HS3ST5: variants seen among roughly 807,000 people sequenced by gnomAD.
The protein encoded by HS3ST5 is heparan sulfate glucosamine 3-O-sulfotransferase 5.
A neutral mutation model predicts 25.4 loss-of-function variants in HS3ST5; 10 were observed. The observed-to-expected ratio is 0.39, with a 90% CI of 0.24 to 0.67. HS3ST5 has a LOEUF of 0.67. Ranked by LOEUF, HS3ST5 falls within the 30% of genes least tolerant of loss-of-function variation. The pLI, the probability that HS3ST5 is intolerant of heterozygous loss-of-function variation, is 0.44. For missense variants in HS3ST5, 324 were observed against 420.7 expected (o/e 0.77, Z 2.01); for synonymous variants, 170 against 162.4 (o/e 1.05, Z -0.36).
intron 3 of HS3ST5, among the ~76,000 whole-genome samples, chr6:114,136,635 G>T (rs910055061): frequency 2.0e-4 from 30 of 152,202 alleles, no homozygotes; most frequent in African/African-American, 6.3e-4. Context: ...CAGTTTGTCT[G>T]TTTGACTGTT....
At chr6:114,259,169 CAT>C (rs1562255625) in intron 1 of HS3ST5, among the ~76,000 whole-genome samples, 1 of 152,298 alleles carries the variant, frequency 6.6e-6, no homozygotes, top group East Asian at 1.9e-4. Context: ...GAGACTATTA[CAT>C]GTTATTGACC....
chr6:114,319,212 CTTAA>C (rs1373092249), intron 1 of HS3ST5, among the ~76,000 whole-genome samples: 3 of 152,122 alleles, frequency 2.0e-5, no homozygotes, highest in Admixed American at 2.0e-4. Flanking sequence ...GTTTAATTTT[CTTAA>C]TTAATACATT....
intron 1 of HS3ST5, chr6:114,235,613 T>C (rs1348219726): frequency 6.6e-6 from 1 of 152,014 alleles, no homozygotes; most frequent in East Asian, 1.9e-4. Context: ...AAATTTTGGA[T>C]TTTTTTTCTT....
intron 2 of HS3ST5, among the ~76,000 whole-genome samples, chr6:114,192,546 T>C (rs1264500200): frequency 6.6e-6 from 1 of 152,192 alleles, no homozygotes; most frequent in African/African-American, 2.4e-5. Context: ...TGAATAATGA[T>C]ACATTCAAAC....
intron 1 of HS3ST5, among the ~76,000 whole-genome samples, chr6:114,313,783 G>T (rs1775634917): frequency 6.6e-6 from 1 of 152,108 alleles, no homozygotes; most frequent in Non-Finnish European, 1.5e-5. Context: ...CTTAAAATAG[G>T]TGCATTTATT....
chr6:114,173,950 C>T (rs772213653), intron 2 of HS3ST5, among the ~76,000 whole-genome samples: 3 of 152,202 alleles, frequency 2.0e-5, no homozygotes, highest in South Asian at 4.2e-4. Flanking sequence ...GCAGACTCTG[C>T]CTATTGGAAA....
intron 3 of HS3ST5, among the ~76,000 whole-genome samples, chr6:114,155,762 C>T (rs1582661076): frequency 6.6e-6 from 1 of 152,166 alleles, no homozygotes; most frequent in Admixed American, 6.5e-5. Flanking sequence ...ACAAACGTCA[C>T]GTACTGACCT....
chr6:114,204,607 G>A (rs537123462), intron 2 of HS3ST5, among the ~76,000 whole-genome samples: 120 of 152,140 alleles, frequency 7.9e-4, no homozygotes, highest in African/African-American at 2.8e-3. Flanking sequence ...ATGTTTTAAA[G>A]TATTTTTTTG....
intron 1 of HS3ST5, among the ~76,000 whole-genome samples, chr6:114,279,373 G>A (rs1774003765): frequency 6.6e-6 from 1 of 152,028 alleles, no homozygotes; most frequent in African/African-American, 2.4e-5. Context: ...ATGGGGTTCT[G>A]CCACAGAAGC....
At chr6:114,173,552 AT>A (rs1487952067) in intron 2 of HS3ST5, among the ~76,000 whole-genome samples, 2 of 152,178 alleles carry the variant, frequency 1.3e-5, no homozygotes. Context: ...TAGCTACTAA[AT>A]TGTAAATTTC....
intron 1 of HS3ST5, among the ~76,000 whole-genome samples, chr6:114,297,492 G>A (rs779611061): frequency 6.6e-6 from 1 of 152,126 alleles, no homozygotes; most frequent in Non-Finnish European, 1.5e-5. Context: ...GGCTTCATGG[G>A]GAAAAGCATC....
At chr6:114,217,870 C>G (rs764671375) in intron 2 of HS3ST5, among the ~76,000 whole-genome samples, 1 of 152,186 alleles carries the variant, frequency 6.6e-6, no homozygotes, top group Non-Finnish European at 1.5e-5. Flanking sequence ...TACCACTAAC[C>G]TGGAAAAAGT....
In HS3ST5 at chr6:114,094,717, A is replaced by G. The variant is rs187047534; in HGVS notation, c.-32-31840T>C. Among the ~76,000 whole-genome samples, 182 of 152,308 alleles carry G rather than the reference A, an allele frequency of 1.2e-3. 5 individuals are homozygous for G. The East Asian group carries it at 0.028, about 23-fold the overall frequency. ...TCCTATGATAGACAGGGTGGCTGTC[A>G]TGATCCCTGGTCCCTGATATTCATG... On this transcript the variant is annotated intron_variant, in intron 3 of 4. Coordinates refer to ENST00000312719, the MANE Select transcript of HS3ST5 (RefSeq NM_153612.4).
At chr6:114,203,989 T>C (rs1440243718) in intron 2 of HS3ST5, among the ~76,000 whole-genome samples, 3 of 152,190 alleles carry the variant, frequency 2.0e-5, no homozygotes, top group Admixed American at 6.6e-5. Flanking sequence ...CACAGAGTGA[T>C]TCCCTACCCT....
At chr6:114,302,239 C>T (rs1006543378) in intron 1 of HS3ST5, among the ~76,000 whole-genome samples, 5 of 152,066 alleles carry the variant, frequency 3.3e-5, no homozygotes, top group African/African-American at 1.2e-4. Flanking sequence ...AAAAATTAAT[C>T]GTTTCAATCA....
chr6:114,101,260 T>A (rs2114821351), intron 3 of HS3ST5, among the ~76,000 whole-genome samples: 1 of 152,326 alleles, frequency 6.6e-6, no homozygotes, highest in African/African-American at 2.4e-5. Flanking sequence ...TTACAACATA[T>A]TTATTTAGGG....
chr6:114,287,911 A>G (rs1432856491), intron 1 of HS3ST5, among the ~76,000 whole-genome samples: 1 of 152,078 alleles, frequency 6.6e-6, no homozygotes, highest in Admixed American at 6.6e-5. Flanking sequence ...CCAGCATCTT[A>G]TCTTCTACCA....
intron 1 of HS3ST5, among the ~76,000 whole-genome samples, chr6:114,315,768 T>C (rs1442971144): frequency 3.3e-5 from 5 of 152,232 alleles, no homozygotes; most frequent in Admixed American, 2.6e-4. Flanking sequence ...CTAGATACCA[T>C]ATGTACACTA....
At chr6:114,234,759 T>C (rs1771775140) in intron 1 of HS3ST5, among the ~76,000 whole-genome samples, 1 of 152,224 alleles carries the variant, frequency 6.6e-6, no homozygotes, top group South Asian at 2.1e-4. Context: ...TATTTAATAA[T>C]TTCTGGATCT....
Sources: gnomAD v4.1 joint callset for allele counts (sites outside exome capture counted in the v4.1 genomes callset) on GRCh38, gnomAD v4.1.1 for gene constraint, MANE v1.5 for transcripts, NCBI Gene and HGNC (gene_info 2026-07-23, HGNC 2026-07-21) for gene names.